ACAD10: variants seen among roughly 807,000 people sequenced by gnomAD.
The protein encoded by ACAD10 is acyl-CoA dehydrogenase family member 10.
ACAD10 carries 112 observed loss-of-function variants against 116.8 expected under a neutral mutation model. The observed-to-expected ratio is 0.96, with a 90% CI of 0.82 to 1.12. The LOEUF (loss-of-function observed/expected upper bound fraction) is 1.12. Ranked by LOEUF, ACAD10 falls within the 50% of genes most tolerant of loss-of-function variation. The pLI, the probability that ACAD10 is intolerant of heterozygous loss-of-function variation, is 0.00. For synonymous variants in ACAD10, 486 were observed against 510.6 expected (o/e 0.95, Z 0.65); for missense variants, 1,259 against 1,350.2 (o/e 0.93, Z 1.06).
At chr12:111,741,195 C>T (rs1889732514) in intron 12 of ACAD10, among the ~76,000 whole-genome samples, 1 of 152,170 alleles carries the variant, frequency 6.6e-6, no homozygotes, top group African/African-American at 2.4e-5. Context: ...AATATTTTCC[C>T]TCTTTTAGGA....
intron 20 of ACAD10, chr12:111,756,095 G>A (rs916349151): frequency 3.7e-5 from 51 of 1,377,908 alleles, no homozygotes; most frequent in Admixed American, 2.9e-5. Context: ...CCTAACCCCC[G>A]GCCCCAGCAC....
intron 2 of ACAD10, among the ~76,000 whole-genome samples, chr12:111,694,862 C>T (rs1240514323): frequency 6.6e-6 from 1 of 152,020 alleles, no homozygotes; most frequent in African/African-American, 2.4e-5. Context: ...CTTGTCTCTA[C>T]GAAAAATACA....
chr12:111,700,748 C>CTTTTTTTTT (rs750378233), intron 2 of ACAD10, among the ~76,000 whole-genome samples: 5 of 89,912 alleles, frequency 5.6e-5, no homozygotes, highest in East Asian at 3.0e-4. Context: ...CCTTCCTCTT[C>CTTTTTTTTT]TTTTTTTTTT....
chr12:111,724,112 G>A (rs1003712869), intron 8 of ACAD10, among the ~76,000 whole-genome samples: 11 of 149,696 alleles, frequency 7.3e-5, no homozygotes, highest in South Asian at 2.1e-4. Flanking sequence ...ATGGGATGGC[G>A]TCTGGGCGGA....
At position 111,746,203 on chromosome 12, in the gene ACAD10, G is replaced by A. The variant is rs938682453; in HGVS notation, c.2175G>A (p.Glu725=). 5.6e-6 allele frequency: 9 copies of A among 1,613,756 alleles called. No homozygotes were observed. The highest frequency in any genetic ancestry group is 7.6e-6 in the Non-Finnish European group (9 of 1,179,962). Residue 725 remains glutamate (E), a synonymous_variant, in exon 14 of 21, where the codon GAG becomes GAA. Coordinates refer to ENST00000313698, the MANE Select transcript of ACAD10 (RefSeq NM_025247.6). Reference sequence around the variant, plus strand: ...TCCTACCCTTAGAGGCTGATCCCGAGAAAAAATACGGAGCAGGACTGACCA... The same window carrying A: ...TCCTACCCTTAGAGGCTGATCCCGAAAAAAAATACGGAGCAGGACTGACCA... ...NLFLPLEADP[E]KKYGAGLTNV...
intron 1 of ACAD10, chr12:111,688,002 A>G (rs1189135223): frequency 1.3e-5 from 2 of 151,884 alleles, no homozygotes; most frequent in Admixed American, 1.3e-4. Flanking sequence ...AGTAGCTGGG[A>G]CTACAGGCAC....
intron 18 of ACAD10, among the ~76,000 whole-genome samples, chr12:111,751,583 TAGCTG>T (rs1890072458): frequency 6.6e-6 from 1 of 151,704 alleles, no homozygotes; most frequent in Non-Finnish European, 1.5e-5. Context: ...ATACAGAAGT[TAGCTG>T]GGCATGGTGG....
Position 111,747,032 on chromosome 12 carries a change from C to T in ACAD10, c.2257-17C>T, listed in dbSNP as rs774574590. 3.8e-6 allele frequency: 6 copies of T among 1,566,220 alleles called. No homozygotes were observed. The highest frequency in any genetic ancestry group is 1.2e-5 in the South Asian group (1 of 84,444). The stretch of plus-strand genomic sequence containing the variant: ...AGAGGACATGACAGTCATGGTCACG[C>T]TCCTTTTCCTTCTCAGGTATGTAAC... On this transcript the variant is annotated splice_polypyrimidine_tract_variant and intron_variant, in intron 14 of 20. Transcript: ENST00000313698.
rs1320501342 is a variant in ACAD10 at position 111,744,908 on chromosome 12, T to G, written c.1980T>G (p.Ser660=). ...GGLVISPESL[S]PPVRELYHRL... is the part of the protein sequence containing the mutation. Reference sequence around the variant, plus strand: ...TGGTTATCTCTCCAGAGAGCCTCTCTCCACCTGTCAGAGAGCTGTATCACC... The same window carrying G: ...TGGTTATCTCTCCAGAGAGCCTCTCGCCACCTGTCAGAGAGCTGTATCACC... The change falls in exon 13 of 21, where the codon TCT becomes TCG. Residue 660 remains serine (S), a synonymous_variant. Transcript: ENST00000313698. 1 of 1,614,008 alleles carries G rather than the reference T, an allele frequency of 6.2e-7. No homozygotes were observed. Among genetic ancestry groups the G allele is most frequent in the Non-Finnish European group, 8.5e-7 (1 of 1,180,030 alleles).
chr12:111,729,750 G>T lies in ACAD10; in HGVS notation c.1244-56G>T. The T allele has an allele frequency of 2.6e-5, 40 of 1,565,508 alleles. No individual in the cohort carries two copies. The Admixed American group carries it at 2.8e-4, about 11-fold the overall frequency. On this transcript the variant is annotated intron_variant, in intron 9 of 20. Coordinates refer to ENST00000313698, the MANE Select transcript of ACAD10 (RefSeq NM_025247.6). ...TTTCACTGCACTGGTTTTTTTTTCC[G>T]CTACTTTCAGAGGTTGCTGAAATTG... is the stretch of plus-strand genomic sequence containing the variant.
At chr12:111,690,307 T>C (rs888092940) in intron 1 of ACAD10, 3 of 152,220 alleles carry the variant, frequency 2.0e-5, no homozygotes, top group Non-Finnish European at 2.9e-5. Flanking sequence ...ATATATCTTA[T>C]ACACCTAGCC....
At chr12:111,752,462 G>A (rs577781561) in intron 18 of ACAD10, among the ~76,000 whole-genome samples, 1 of 151,940 alleles carries the variant, frequency 6.6e-6, no homozygotes, top group South Asian at 2.1e-4. Flanking sequence ...ACAAAAATTA[G>A]CCAGGTGTGG....
chr12:111,700,548 G>A (rs1005430034), intron 2 of ACAD10, among the ~76,000 whole-genome samples: 3 of 151,958 alleles, frequency 2.0e-5, no homozygotes, highest in South Asian at 2.1e-4. Flanking sequence ...TGATGGTGCC[G>A]GTTTCCTCAC....
At position 111,755,628 on chromosome 12, in the gene ACAD10, C is replaced by T. The variant is rs1178237652; in HGVS notation, c.2962-40C>T. ...GGGCCTCACTCTGCCACCCAGGCTG[C>T]CCTCGGGTCTTTTATGATCGCATCT... On this transcript the variant is annotated intron_variant, in intron 19 of 20. Coordinates refer to ENST00000313698, the MANE Select transcript of ACAD10 (RefSeq NM_025247.6). 3 of 1,536,834 alleles carry T rather than the reference C, an allele frequency of 2.0e-6. No homozygotes were observed. The South Asian group carries it at 3.4e-5, about 17-fold the overall frequency.
intron 18 of ACAD10, among the ~76,000 whole-genome samples, chr12:111,750,965 C>T (rs1478071031): frequency 1.3e-5 from 2 of 152,150 alleles, no homozygotes; most frequent in Non-Finnish European, 2.9e-5. Flanking sequence ...GTAAAACGCT[C>T]CTGTCTATGG....
chr12:111,692,155 G>A (rs1235028036), intron 1 of ACAD10, among the ~76,000 whole-genome samples: 2 of 151,994 alleles, frequency 1.3e-5, no homozygotes, highest in African/African-American at 4.8e-5. Context: ...TTTAGTAGAG[G>A]TGGGGTTTCT....
intron 1 of ACAD10, among the ~76,000 whole-genome samples, chr12:111,688,799 C>T (rs1044961326): frequency 6.6e-5 from 10 of 150,928 alleles, no homozygotes; most frequent in African/African-American, 2.5e-4. Flanking sequence ...AAGACTCCGT[C>T]TCAAAACAAA....
intron 2 of ACAD10, among the ~76,000 whole-genome samples, chr12:111,695,396 T>C (rs530478324): frequency 9.2e-5 from 14 of 152,328 alleles, no homozygotes; most frequent in African/African-American, 3.4e-4. Flanking sequence ...TGTCAAGACT[T>C]CTCCAACCTC....
chr12:111,709,409 TG>T, intron 4 of ACAD10, 116 bp from the exon 5 acceptor site: 4 of 845,904 alleles, frequency 4.7e-6, no homozygotes, highest in Non-Finnish European at 1.7e-6. Context: ...TTAAATTACT[TG>T]TTATAATAAA....
Sources: gnomAD v4.1 joint callset for allele counts (sites outside exome capture counted in the v4.1 genomes callset) on GRCh38, gnomAD v4.1.1 for gene constraint, MANE v1.5 for transcripts, NCBI Gene and HGNC (gene_info 2026-07-23, HGNC 2026-07-21) for gene names.